The following COL23A1 variants were observed in gnomAD, a reference collection of about 807,000 sequenced individuals.
COL23A1 encodes the protein collagen type XXIII alpha 1 chain.
In COL23A1, 97 loss-of-function variants were observed where a neutral mutation model predicts 99.3. The ratio of observed to expected loss-of-function variants is 0.98; its 90% CI spans 0.83 to 1.16. The LOEUF (loss-of-function observed/expected upper bound fraction) is 1.16, where lower values mean the gene tolerates loss of function less well. Among genes scored for constraint, COL23A1 ranks in the 50% most tolerant of loss-of-function variants. The pLI is 0.00. For synonymous variants in COL23A1, 320 were observed against 308.2 expected, an observed-to-expected ratio of 1.04 and a Z score of -0.40; for missense variants, 762 against 757.4, an observed-to-expected ratio of 1.01 and a Z score of -0.07.
intron 27 of COL23A1, 62 bp downstream of exon 27, chr5:178,241,980 G>T: frequency 7.6e-7 from 1 of 1,310,352 alleles, no homozygotes; most frequent in Non-Finnish European, 1.1e-6. Context: ...CAGGGAAGAT[G>T]TTGGGCTGAC....
chr5:178,344,995 G>T, intron 2 of COL23A1: 1 of 578,836 alleles, frequency 1.7e-6, no homozygotes, highest in Admixed American at 2.0e-5. Context: ...CTATTGCAGT[G>T]TGTCCACCCT....
chr5:178,483,120 A>G (rs1757429781), intron 2 of COL23A1, among the ~76,000 whole-genome samples: 1 of 152,310 alleles, frequency 6.6e-6, no homozygotes, highest in South Asian at 2.1e-4. Flanking sequence ...TATGTTATGT[A>G]CATTGTGCCA....
chr5:178,361,820 G>A (rs887862504), intron 2 of COL23A1, among the ~76,000 whole-genome samples: 5 of 152,164 alleles, frequency 3.3e-5, no homozygotes, highest in Non-Finnish European at 5.9e-5. Flanking sequence ...GTCTCCTGCT[G>A]CAGATGAGCT....
intron 3 of COL23A1, among the ~76,000 whole-genome samples, chr5:178,295,344 T>C (rs948337559): frequency 1.8e-4 from 27 of 152,066 alleles, no homozygotes; most frequent in African/African-American, 6.0e-4. Flanking sequence ...GAACAGAAAA[T>C]ACAAATAGCC....
At chr5:178,503,130 C>T (rs1206246195) in intron 2 of COL23A1, among the ~76,000 whole-genome samples, 1 of 152,162 alleles carries the variant, frequency 6.6e-6, no homozygotes, top group Non-Finnish European at 1.5e-5. Context: ...GCCTGTAATC[C>T]CAGCACTTTG....
At chr5:178,246,533 G>C in intron 22 of COL23A1, 80 bp from the exon 23 acceptor site, 3 of 1,401,376 alleles carry the variant, frequency 2.1e-6, no homozygotes, top group Non-Finnish European at 2.9e-6. Context: ...GACTGCAAGG[G>C]AGCTGGGATG....
chr5:178,270,710 A>G (rs1200243721), intron 5 of COL23A1, among the ~76,000 whole-genome samples: 1 of 152,162 alleles, frequency 6.6e-6, no homozygotes, highest in Non-Finnish European at 1.5e-5. Context: ...AGCCATGAGC[A>G]TCTTGCCTGG....
intron 1 of COL23A1, among the ~76,000 whole-genome samples, chr5:178,585,317 G>T (rs1763875706): frequency 6.6e-6 from 1 of 150,594 alleles, no homozygotes; most frequent in South Asian, 2.1e-4. Flanking sequence ...CTGACCCTGG[G>T]GTAACACTTG....
chr5:178,421,168 C>T (rs938186248), intron 2 of COL23A1, among the ~76,000 whole-genome samples: 5 of 152,108 alleles, frequency 3.3e-5, no homozygotes, highest in Admixed American at 6.5e-5. Flanking sequence ...TTTTGAAGTG[C>T]AATATCAGTA....
intron 2 of COL23A1, among the ~76,000 whole-genome samples, chr5:178,538,310 T>C (rs1480926790): frequency 6.6e-6 from 1 of 152,218 alleles, no homozygotes; most frequent in Non-Finnish European, 1.5e-5. Context: ...GCTTGTTTTT[T>C]TATCTTTCTA....
Position 178,344,465 on chromosome 5 carries a change from C to T in COL23A1, c.362-37546G>A, listed in dbSNP as rs185460924. Among the ~76,000 whole-genome samples, 439 of 152,144 alleles carry T rather than the reference C, an allele frequency of 2.9e-3. 2 individuals are homozygous for T. The highest frequency in any genetic ancestry group is 9.1e-3 in the African/African-American group (379 of 41,510). The stretch of plus-strand genomic sequence containing the variant: ...CAGCTTGACCAATATGGTGAAACCC[C>T]GTCTCCACTAAAATTACAAAAATTA... On this transcript the variant is annotated intron_variant, in intron 2 of 28. Transcript: ENST00000390654.
intron 2 of COL23A1, among the ~76,000 whole-genome samples, chr5:178,399,614 C>T (rs1044055810): frequency 1.3e-5 from 2 of 152,176 alleles, no homozygotes; most frequent in Non-Finnish European, 2.9e-5. Context: ...CAAACATGGG[C>T]TGTTTACCCA....
intron 2 of COL23A1, among the ~76,000 whole-genome samples, chr5:178,315,784 T>TC (rs1554137100): frequency 9.5e-5 from 14 of 146,868 alleles, no homozygotes; most frequent in African/African-American, 1.8e-4. Flanking sequence ...TTTTTTTTTT[T>TC]CAAGACAAAT....
chr5:178,361,737 C>G (rs1762185713), intron 2 of COL23A1, among the ~76,000 whole-genome samples: 1 of 152,190 alleles, frequency 6.6e-6, no homozygotes, highest in South Asian at 2.1e-4. Flanking sequence ...ACCTGTGACC[C>G]CTTGGGAACC....
intron 2 of COL23A1, among the ~76,000 whole-genome samples, chr5:178,405,191 G>C (rs1161284849): frequency 6.6e-6 from 1 of 152,214 alleles, no homozygotes; most frequent in Non-Finnish European, 1.5e-5. Context: ...GTTTGCTCTG[G>C]GAAGTGATGG....
chr5:178,330,190 G>A (rs1759934509), intron 2 of COL23A1, among the ~76,000 whole-genome samples: 1 of 152,216 alleles, frequency 6.6e-6, no homozygotes, highest in Non-Finnish European at 1.5e-5. Flanking sequence ...TGCAGAAGAA[G>A]GGCCTAGGGT....
chr5:178,485,839 A>G (rs1757600425), intron 2 of COL23A1, among the ~76,000 whole-genome samples: 1 of 151,802 alleles, frequency 6.6e-6, no homozygotes, highest in Non-Finnish European at 1.5e-5. Context: ...ACAGAGTAAA[A>G]CTTGACATTA....
chr5:178,552,051 A>T (rs1446742682), intron 2 of COL23A1, among the ~76,000 whole-genome samples: 1 of 152,006 alleles, frequency 6.6e-6, no homozygotes, highest in Non-Finnish European at 1.5e-5. Context: ...AGTCTTCAAA[A>T]CCTTGCCCAA....
intron 1 of COL23A1, among the ~76,000 whole-genome samples, chr5:178,571,868 G>C (rs1297746393): frequency 1.3e-5 from 2 of 152,138 alleles, no homozygotes; most frequent in South Asian, 4.1e-4. Context: ...AGGAGATTGA[G>C]ACCATCCTGG....
Sources: gnomAD v4.1 joint callset for allele counts (sites outside exome capture counted in the v4.1 genomes callset) on GRCh38, gnomAD v4.1.1 for gene constraint, MANE v1.5 for transcripts, NCBI Gene and HGNC (gene_info 2026-07-23, HGNC 2026-07-21) for gene names.